TMEM132D: variants seen among roughly 807,000 people sequenced by gnomAD.
TMEM132D encodes transmembrane protein 132D, also known as mature OL transmembrane protein.
Under a neutral mutation model 62.3 loss-of-function variants are expected in TMEM132D, and 21 were observed. The observed-to-expected ratio is 0.34, with a 90% CI of 0.24 to 0.49. The LOEUF (loss-of-function observed/expected upper bound fraction) is 0.49. TMEM132D is among the 20% of genes least tolerant of loss of function. The probability of loss-of-function intolerance (pLI) is 0.99; values close to 1 mark genes in which losing one functional copy is unlikely to be tolerated. For synonymous variants in TMEM132D, 621 were observed against 575.6 expected (o/e 1.08, Z -1.13); for missense variants, 1,346 against 1,402.8 (o/e 0.96, Z 0.65).
chr12:129,238,917 C>A (rs1879857863), intron 4 of TMEM132D, among the ~76,000 whole-genome samples: 1 of 151,946 alleles, frequency 6.6e-6, no homozygotes, highest in East Asian at 1.9e-4. Context: ...TCCACAAAAG[C>A]AGTACCATGT....
At chr12:129,898,760 G>C (rs1469468920) in intron 1 of TMEM132D, among the ~76,000 whole-genome samples, 1 of 152,246 alleles carries the variant, frequency 6.6e-6, no homozygotes, top group African/African-American at 2.4e-5. Flanking sequence ...TCTGGGAATA[G>C]TAACCATATC....
intron 5 of TMEM132D, among the ~76,000 whole-genome samples, chr12:129,184,441 C>T (rs941571471): frequency 2.6e-5 from 4 of 152,176 alleles, no homozygotes; most frequent in African/African-American, 9.7e-5. Context: ...CACCTGCCTA[C>T]GGGATGGGGT....
intron 5 of TMEM132D, among the ~76,000 whole-genome samples, chr12:129,142,192 C>A (rs919014687): frequency 6.6e-6 from 1 of 152,110 alleles, no homozygotes; most frequent in Non-Finnish European, 1.5e-5. Context: ...TCCCGTCCAA[C>A]TGGTCACAGA....
intron 1 of TMEM132D, among the ~76,000 whole-genome samples, chr12:129,900,031 A>G (rs1051446491): frequency 3.3e-5 from 5 of 152,152 alleles, no homozygotes; most frequent in Admixed American, 1.3e-4. Flanking sequence ...CTCTGACCCA[A>G]TTAACACCCC....
intron 3 of TMEM132D, among the ~76,000 whole-genome samples, chr12:129,349,852 C>T (rs562731750): frequency 3.3e-5 from 5 of 152,288 alleles, no homozygotes; most frequent in East Asian, 3.9e-4. Flanking sequence ...TAAGGGCTTA[C>T]GGAGCAATAA....
intron 2 of TMEM132D, among the ~76,000 whole-genome samples, chr12:129,668,246 T>A: frequency 6.8e-6 from 1 of 147,644 alleles, no homozygotes; most frequent in African/African-American, 2.5e-5. Flanking sequence ...TAGTGTACCT[T>A]ATTACACTAA....
chr12:129,700,259 G>A lies in TMEM132D; in HGVS notation c.519C>T (p.Phe173=), dbSNP rs768637584. 8.7e-5 allele frequency: 141 copies of A among 1,613,264 alleles called. No homozygotes were observed. Among genetic ancestry groups the A allele is most frequent in the Non-Finnish European group, 1.2e-4 (136 of 1,179,984 alleles). The stretch of plus-strand genomic sequence containing the variant: ...TGCCCCGCACCTCTCGGGTCTCTCG[G>A]AAAGCAAAGACCCTCAGGCACGGCA... ...EKLPCLRVFA[F]RETREVRGSC... The change falls in exon 2 of 9, where the codon TTC becomes TTT. Residue 173 remains phenylalanine, a synonymous_variant. Transcript: ENST00000422113.
chr12:129,357,356 A>G (rs1464639102), intron 3 of TMEM132D, among the ~76,000 whole-genome samples: 1 of 150,606 alleles, frequency 6.6e-6, no homozygotes, highest in Non-Finnish European at 1.5e-5. Context: ...GAAAGCGAGC[A>G]AGCAAGAGAG....
chr12:129,465,655 GACAA>G (rs1268143440), intron 3 of TMEM132D, among the ~76,000 whole-genome samples: 4 of 152,156 alleles, frequency 2.6e-5, no homozygotes, highest in African/African-American at 9.7e-5. Context: ...ACCAATAACA[GACAA>G]ACAGAGAGCC....
At chr12:129,250,660 G>A (rs1880241228) in intron 4 of TMEM132D, among the ~76,000 whole-genome samples, 1 of 152,204 alleles carries the variant, frequency 6.6e-6, no homozygotes, top group South Asian at 2.1e-4. Flanking sequence ...CTAGGGGTTT[G>A]TTCAAAGTGA....
At chr12:129,257,299 C>G (rs937987009) in intron 4 of TMEM132D, among the ~76,000 whole-genome samples, 4 of 151,272 alleles carry the variant, frequency 2.6e-5, no homozygotes, top group Admixed American at 1.3e-4. Flanking sequence ...CTCTGCCTCC[C>G]GGGTTCACGC....
At chr12:129,613,411 A>C (rs1169956349) in intron 2 of TMEM132D, among the ~76,000 whole-genome samples, 1 of 152,208 alleles carries the variant, frequency 6.6e-6, no homozygotes, top group East Asian at 1.9e-4. Flanking sequence ...AATGACAGAC[A>C]CTCTCGTCTC....
intron 1 of TMEM132D, among the ~76,000 whole-genome samples, chr12:129,804,499 G>A (rs368306650): frequency 0.015 from 2,235 of 150,918 alleles, 76 homozygotes; most frequent in South Asian, 0.1. Context: ...AACCCTTCAT[G>A]CTAAAAACTC....
intron 1 of TMEM132D, among the ~76,000 whole-genome samples, chr12:129,747,586 G>A (rs187589880): frequency 5.9e-4 from 80 of 136,294 alleles, no homozygotes; most frequent in Admixed American, 1.8e-3. Context: ...ACACACACGC[G>A]CTCACATGCA....
intron 3 of TMEM132D, among the ~76,000 whole-genome samples, chr12:129,460,450 G>A (rs1269159136): frequency 1.3e-5 from 2 of 152,152 alleles, no homozygotes; most frequent in Non-Finnish European, 2.9e-5. Context: ...GATCTGAGTA[G>A]CAGCTGTGAC....
At chr12:129,894,307 C>T (rs987450409) in intron 1 of TMEM132D, among the ~76,000 whole-genome samples, 9 of 152,070 alleles carry the variant, frequency 5.9e-5, no homozygotes, top group Admixed American at 1.3e-4. Context: ...GGGGACACCG[C>T]CCCCCATGAT....
At chr12:129,611,555 C>T (rs531980840) in intron 2 of TMEM132D, among the ~76,000 whole-genome samples, 6 of 152,214 alleles carry the variant, frequency 3.9e-5, no homozygotes, top group African/African-American at 1.4e-4. Context: ...AACTTTTTCA[C>T]TTAGAAGTCC....
intron 1 of TMEM132D, among the ~76,000 whole-genome samples, chr12:129,839,287 G>A (rs1431614146): frequency 6.6e-6 from 1 of 151,518 alleles, no homozygotes; most frequent in South Asian, 2.1e-4. Flanking sequence ...GTGCCACCAT[G>A]CCTGGCTATT....
chr12:129,443,977 G>T (rs887623768), intron 3 of TMEM132D, among the ~76,000 whole-genome samples: 3 of 152,160 alleles, frequency 2.0e-5, no homozygotes, highest in African/African-American at 7.2e-5. Flanking sequence ...ACAACTATCT[G>T]ATCTTCAAGA....
Sources: allele counts gnomAD v4.1 joint callset (sites outside exome capture counted in the v4.1 genomes callset), GRCh38; gene constraint gnomAD v4.1.1; transcripts MANE v1.5; gene names NCBI Gene and HGNC (gene_info 2026-07-23, HGNC 2026-07-21).